Variants in HOXA3 observed in about 807,000 individuals in gnomAD.
The protein encoded by HOXA3 is homeobox protein Hox-A3.
Under a neutral mutation model 30.3 loss-of-function variants are expected in HOXA3, and 8 were observed. The observed-to-expected ratio is 0.26, with a 90% CI of 0.15 to 0.48. HOXA3 has a LOEUF of 0.48. Ranked by LOEUF, HOXA3 falls within the 20% of genes least tolerant of loss-of-function variation. HOXA3 has a pLI of 0.99. For synonymous variants in HOXA3, 323 were observed against 273.1 expected, an observed-to-expected ratio of 1.18 and a Z score of -1.80; for missense variants, 653 against 614.4, an observed-to-expected ratio of 1.06 and a Z score of -0.66.
In HOXA3 at chr7:27,108,674, G is replaced by T. The variant is rs779694009; in HGVS notation, c.573C>A (p.Ser191=). 1.2e-6 allele frequency: 2 copies of T among 1,610,396 alleles called. No individual in the cohort carries two copies. Among genetic ancestry groups the T allele is most frequent in the East Asian group, 4.5e-5 (2 of 44,736 alleles). The change falls in exon 6 of 6, where the codon TCC becomes TCA. Residue 191 remains serine (S), a synonymous_variant. Coordinates refer to ENST00000612286, the MANE Select transcript of HOXA3 (RefSeq NM_153631.3). The surrounding 1 kb of genome is among the most constrained non-coding windows in gnomAD (Gnocchi z 5.0). ...GDKSPPGQAS[S]KRARTAYTSA... ...TCGTGTAGGCCGTGCGCGCGCGCTT[G>T]GACGAAGCCTGCCCCGGCGGGCTCT...
chr7:27,149,993 A>G (rs939820248), intron 1 of HOXA3: 1 of 152,176 alleles, frequency 6.6e-6, no homozygotes, highest in Non-Finnish European at 1.5e-5. Flanking sequence ...AGGATTCTCG[A>G]TCTAATTATT....
At position 27,108,788 on chromosome 7, in the gene HOXA3, C is replaced by T; in HGVS notation, c.527-68G>A. 1 of 1,240,410 alleles carries T rather than the reference C, an allele frequency of 8.1e-7. No homozygotes were observed. Among genetic ancestry groups the T allele is most frequent in the Non-Finnish European group, 1.1e-6 (1 of 905,082 alleles). 76.8% of individuals were successfully genotyped at this position (1,240,410 alleles called of 1,614,324 possible). On this transcript the variant is annotated intron_variant, in intron 5 of 5. Coordinates refer to ENST00000612286, the MANE Select transcript of HOXA3 (RefSeq NM_153631.3). This position sits in a 1 kb window ranked among gnomAD's most constrained non-coding sequence, Gnocchi z 5.0. ...CGGCCCCGCCCAGCCCCTGACCCAG[C>T]CCGGCCCCTCCTTCCACCAGGCCCC...
chr7:27,146,100 T>C (rs1481241593), intron 1 of HOXA3, among the ~76,000 whole-genome samples: 2 of 152,230 alleles, frequency 1.3e-5, no homozygotes, highest in African/African-American at 2.4e-5. Flanking sequence ...AGCGAGATGT[T>C]TTCCACCTAT....
rs1008572547 is a variant in HOXA3, at chr7:27,109,902, C to T, written c.526+213G>A. The stretch of plus-strand genomic sequence containing the variant: ...TTGCCCTTGGAGAAGTCCAGAGGGA[C>T]TCCCAGCAGGTCTCTGGTGTTTTCC... On this transcript the variant is annotated intron_variant, in intron 5 of 5. Transcript: ENST00000612286. 6.6e-6 allele frequency: 4 copies of T among 608,884 alleles called. No individual in the cohort carries two copies. The African/African-American group carries it at 7.4e-5, about 11-fold the overall frequency. 37.7% of individuals were successfully genotyped at this position (608,884 alleles called of 1,614,324 possible). A position where few individuals can be genotyped will look rare whatever the true frequency, so the allele number is the denominator to read the frequency against.
chr7:27,118,498 G>A (rs1367762684), intron 4 of HOXA3, among the ~76,000 whole-genome samples: 1 of 152,168 alleles, frequency 6.6e-6, no homozygotes, highest in African/African-American at 2.4e-5. Flanking sequence ...TTGGGGGAGG[G>A]TAGGTGGGGA....
rs1256709381 is a variant in HOXA3, at chr7:27,130,882, C to A, written c.-389-3812G>T. 1.3e-5 allele frequency: 10 copies of A among 772,328 alleles called. No homozygotes were observed. In the Admixed American group the frequency reaches 1.7e-4, roughly 13 times the overall value. 47.8% of individuals were successfully genotyped at this position (772,328 alleles called of 1,614,324 possible). On this transcript the variant is annotated intron_variant, in intron 2 of 5. Coordinates refer to ENST00000612286, the MANE Select transcript of HOXA3 (RefSeq NM_153631.3). ...CGCTGTCAAGTGCCCACTCCTCCCC[C>A]TCCCGCAGACGCCGCCACCAAAGTT...
Position 27,108,310 on chromosome 7 carries a change from G to T in HOXA3, c.937C>A (p.Pro313Thr), listed in dbSNP as rs1279020607. Residue 313 changes from proline to threonine, a missense_variant, in exon 6 of 6, where the codon CCT becomes ACT. By Grantham distance (38) the Pro-to-Thr change is conservative. Coordinates refer to ENST00000612286, the MANE Select transcript of HOXA3 (RefSeq NM_153631.3). The surrounding 1 kb of genome is among the most constrained non-coding windows in gnomAD (Gnocchi z 5.0). Reference sequence around the variant, plus strand: ...GGTGCGCAGCTGGGCAGGGACGCAGGGTAGGAGGCGGGGGGCAGCCCGTAG... The same window carrying T: ...GGTGCGCAGCTGGGCAGGGACGCAGTGTAGGAGGCGGGGGGCAGCCCGTAG... ...GTYGLPPASY[P>T]ASLPSCAPPP... The T allele has an allele frequency of 3.3e-6, 5 of 1,526,008 alleles. No individual in the cohort carries two copies. The highest frequency in any genetic ancestry group is 2.0e-5 in the Admixed American group (1 of 50,938). 94.5% of individuals were successfully genotyped at this position (1,526,008 alleles called of 1,614,324 possible).
intron 4 of HOXA3, among the ~76,000 whole-genome samples, chr7:27,119,147 AC>A (rs35394199): frequency 0.59 from 63,648 of 107,080 alleles, 18,747 homozygotes; most frequent in African/African-American, 0.75. Flanking sequence ...TCTGCAAGAG[AC>A]CCCCCCCCCC....
chr7:27,128,985 T>C, intron 2 of HOXA3: 1 of 578,064 alleles, frequency 1.7e-6, no homozygotes, highest in Non-Finnish European at 3.1e-6. Flanking sequence ...CTGGCAGCCT[T>C]GTTTCGGGCC....
rs1028800540 is a variant in HOXA3, at chr7:27,113,019, C to T, written c.-120-2259G>A. On this transcript the variant is annotated intron_variant, in intron 4 of 5. Transcript: ENST00000612286. The surrounding 1 kb of genome is among the most constrained non-coding windows in gnomAD (Gnocchi z 4.8). Reference sequence around the variant, plus strand: ...ATTGTTCGAGGTCAGCAGACCACCACCTTGGAGCTCATACATCCCCCCACC... The same window carrying T: ...ATTGTTCGAGGTCAGCAGACCACCATCTTGGAGCTCATACATCCCCCCACC... 1.3e-5 allele frequency among the ~76,000 whole-genome samples: 2 copies of T among 152,314 alleles called. No individual in the cohort carries two copies. The highest frequency in any genetic ancestry group is 3.9e-4 in the East Asian group (2 of 5,174).
In HOXA3 at chr7:27,145,561, G is replaced by A. The variant is rs527481782; in HGVS notation, c.-493-5375C>T. 1.8e-5 allele frequency: 26 copies of A among 1,476,694 alleles called. No homozygotes were observed. The African/African-American group carries it at 3.3e-4, about 19-fold the overall frequency. 91.5% of individuals were successfully genotyped at this position (1,476,694 alleles called of 1,614,324 possible). Reference sequence around the variant, plus strand: ...TCCCCTGAAGCTGCGGAAGCCCCCAGATGGGAGCAGGCGGGGAGAAAAGTT... The same window carrying A: ...TCCCCTGAAGCTGCGGAAGCCCCCAAATGGGAGCAGGCGGGGAGAAAAGTT... On this transcript the variant is annotated intron_variant, in intron 1 of 5. Coordinates refer to ENST00000612286, the MANE Select transcript of HOXA3 (RefSeq NM_153631.3).
chr7:27,149,743 A>G (rs1782905066), intron 1 of HOXA3, among the ~76,000 whole-genome samples: 2 of 152,264 alleles, frequency 1.3e-5, no homozygotes, highest in South Asian at 4.1e-4. Flanking sequence ...CTCGAGTCAA[A>G]AAATTAAAAG....
Position 27,152,377 on chromosome 7 carries a change from A to T in HOXA3, c.-583T>A. The T allele has an allele frequency of 8.4e-7, 1 of 1,191,242 alleles. No individual in the cohort carries two copies. Among genetic ancestry groups the T allele is most frequent in the South Asian group, 1.5e-5 (1 of 67,540 alleles). 73.8% of individuals were successfully genotyped at this position (1,191,242 alleles called of 1,614,324 possible). On this transcript the variant is annotated 5_prime_UTR_variant, in exon 1 of 6. Transcript: ENST00000612286. ...AAGAATTGTCCTCTTTCCTGGTGCC[A>T]GAGGACGCAGGAAATTAGCCAGGTT...
At chr7:27,152,166 G>T (rs1020706521) in intron 1 of HOXA3, 122 bp downstream of exon 1, 9 of 394,642 alleles carry the variant, frequency 2.3e-5, no homozygotes, top group African/African-American at 1.7e-4. Context: ...GTGTGAATGG[G>T]TGAGTATGGG....
chr7:27,142,237 C>T (rs1782597371), intron 1 of HOXA3: 2 of 777,370 alleles, frequency 2.6e-6, no homozygotes, highest in African/African-American at 1.7e-5. Flanking sequence ...TTCCTTCTCT[C>T]TTCCTTTCTA....
intron 4 of HOXA3, among the ~76,000 whole-genome samples, chr7:27,111,954 C>CTGT (rs978257521): frequency 8.5e-5 from 13 of 152,192 alleles, no homozygotes; most frequent in African/African-American, 2.9e-4. Flanking sequence ...TCTTTGTGTG[C>CTGT]TGTTGTTGTT....
intron 4 of HOXA3, chr7:27,121,879 T>A (rs1785028340): frequency 6.6e-6 from 1 of 152,668 alleles, no homozygotes; most frequent in South Asian, 2.1e-4. Flanking sequence ...AAGTCAGAAC[T>A]TGAAAATAAT....
chr7:27,137,087 G>A (rs1785738526), intron 2 of HOXA3, among the ~76,000 whole-genome samples: 1 of 152,182 alleles, frequency 6.6e-6, no homozygotes. Context: ...AAGCTAAAAG[G>A]ATTGTTTTCC....
At chr7:27,114,855 A>ATATATTATATATATAATATATAT (rs1784614886) in intron 4 of HOXA3, among the ~76,000 whole-genome samples, 2 of 104,056 alleles carry the variant, frequency 1.9e-5, no homozygotes, top group African/African-American at 3.3e-5. Flanking sequence ...AATATATATT[A>ATATATTATATATATAATATATAT]TATATATAAT....
Sources: gnomAD v4.1 joint callset for allele counts (sites outside exome capture counted in the v4.1 genomes callset) on GRCh38, gnomAD v4.1.1 for gene constraint, Gnocchi (gnomAD v3.1) non-coding constraint, MANE v1.5 for transcripts, NCBI Gene and HGNC (gene_info 2026-07-23, HGNC 2026-07-21) for gene names.